The following RBFOX1 variants were observed in gnomAD, a reference collection of about 807,000 sequenced individuals.
The protein encoded by RBFOX1 is RNA binding protein fox-1 homolog 1.
A neutral mutation model predicts 57.7 loss-of-function variants in RBFOX1; 8 were observed. That is an observed-to-expected ratio of 0.14 (90% CI 0.08 to 0.25). RBFOX1 has a LOEUF of 0.25. Among genes scored for constraint, RBFOX1 ranks in the 10% least tolerant of loss-of-function variants. RBFOX1 has a pLI of 1.00. For synonymous variants in RBFOX1, 326 were observed against 222.4 expected, an observed-to-expected ratio of 1.47 and a Z score of -4.15; for missense variants, 611 against 548.5, an observed-to-expected ratio of 1.11 and a Z score of -1.14.
intron 14 of RBFOX1, among the ~76,000 whole-genome samples, chr16:7,694,331 A>C (rs758969554): frequency 2.0e-5 from 3 of 152,298 alleles, no homozygotes; most frequent in Non-Finnish European, 4.4e-5. Context: ...GCTGCAGTAA[A>C]AAAAGGCTTA....
intron 1 of RBFOX1, among the ~76,000 whole-genome samples, chr16:6,062,099 A>C (rs28542262): frequency 6.6e-6 from 1 of 152,190 alleles, no homozygotes; most frequent in African/African-American, 2.4e-5. Flanking sequence ...ATGAACAGCC[A>C]AACGAGATGC....
chr16:7,689,383 G>C (rs2076838634), intron 14 of RBFOX1, among the ~76,000 whole-genome samples: 1 of 152,244 alleles, frequency 6.6e-6, no homozygotes, highest in Non-Finnish European at 1.5e-5. Flanking sequence ...TTTTCAGCAA[G>C]GTTGCCCAAA....
chr16:6,270,786 A>G (rs576781131), intron 1 of RBFOX1, among the ~76,000 whole-genome samples: 135 of 152,342 alleles, frequency 8.9e-4, no homozygotes, highest in Non-Finnish European at 1.5e-3. Context: ...TTTCATGTCC[A>G]TGGGAGATAT....
intron 4 of RBFOX1, among the ~76,000 whole-genome samples, chr16:7,214,472 C>G (rs967070294): frequency 6.6e-6 from 1 of 152,000 alleles, no homozygotes; most frequent in Non-Finnish European, 1.5e-5. Flanking sequence ...CCTCTCCGAT[C>G]CATCCACTGC....
At chr16:5,667,204 T>G (rs1045492109) in intron 3 of RBFOX1, among the ~76,000 whole-genome samples, 2 of 152,226 alleles carry the variant, frequency 1.3e-5, no homozygotes, top group African/African-American at 4.8e-5. Flanking sequence ...TTTATTATGT[T>G]TTTGTATTTT....
chr16:5,999,272 T>A (rs987415477), intron 4 of RBFOX1, among the ~76,000 whole-genome samples: 2 of 152,204 alleles, frequency 1.3e-5, no homozygotes, highest in African/African-American at 4.8e-5. Context: ...CTTTTCTGAC[T>A]GCCTAGAATT....
At chr16:6,336,325 A>T (rs534690680) in intron 2 of RBFOX1, among the ~76,000 whole-genome samples, 18 of 148,252 alleles carry the variant, frequency 1.2e-4, no homozygotes, top group African/African-American at 3.7e-4. Context: ...CCTCCCGTGT[A>T]GCTGGGACTA....
chr16:6,120,490 T>C (rs2096540970), intron 1 of RBFOX1, among the ~76,000 whole-genome samples: 1 of 152,172 alleles, frequency 6.6e-6, no homozygotes, highest in South Asian at 2.1e-4. Context: ...TCCACCATCT[T>C]GCTTGTCATG....
At chr16:6,892,461 G>C (rs2065683272) in intron 3 of RBFOX1, among the ~76,000 whole-genome samples, 1 of 152,154 alleles carries the variant, frequency 6.6e-6, no homozygotes. Flanking sequence ...CTTGAGGTCA[G>C]ACGTTTGAGA....
intron 3 of RBFOX1, among the ~76,000 whole-genome samples, chr16:6,671,844 T>A (rs1337350302): frequency 6.6e-6 from 1 of 152,224 alleles, no homozygotes; most frequent in Non-Finnish European, 1.5e-5. Flanking sequence ...CGTATCCCAG[T>A]AATTATAAGA....
intron 3 of RBFOX1, among the ~76,000 whole-genome samples, chr16:6,855,712 A>G (rs993082243): frequency 1.3e-5 from 2 of 151,492 alleles, no homozygotes; most frequent in African/African-American, 4.9e-5. Flanking sequence ...CGAAACCTTG[A>G]TTGCACTTCC....
chr16:7,125,367 A>G (rs2068239383), intron 4 of RBFOX1, among the ~76,000 whole-genome samples: 1 of 152,206 alleles, frequency 6.6e-6, no homozygotes, highest in Non-Finnish European at 1.5e-5. Context: ...GCAGAGTGCC[A>G]GGCAAATCAA....
At chr16:7,443,913 G>C (rs767600260) in intron 4 of RBFOX1, among the ~76,000 whole-genome samples, 6 of 152,186 alleles carry the variant, frequency 3.9e-5, no homozygotes, top group Non-Finnish European at 7.3e-5. Context: ...TACTGATTCT[G>C]TATTCCTTTG....
chr16:6,256,202 T>TATATAC (rs1491343928), intron 1 of RBFOX1, among the ~76,000 whole-genome samples: 1 of 35,204 alleles, frequency 2.8e-5, no homozygotes, highest in South Asian at 9.5e-4. Context: ...TATATGTATA[T>TATATAC]GTATATGTGT....
At chr16:6,726,377 A>T (rs2154169238) in intron 3 of RBFOX1, among the ~76,000 whole-genome samples, 1 of 147,800 alleles carries the variant, frequency 6.8e-6, no homozygotes, top group South Asian at 2.3e-4. Flanking sequence ...ATAATAAATA[A>T]AAATAAAACG....
At chr16:6,667,690 A>G (rs6500808) in intron 3 of RBFOX1, among the ~76,000 whole-genome samples, 98,818 of 151,800 alleles carry the variant, frequency 0.65, 33,170 homozygotes, top group African/African-American at 0.81. Context: ...AGATGAGCCT[A>G]GGCAACATAT....
intron 1 of RBFOX1, among the ~76,000 whole-genome samples, chr16:5,441,413 A>G (rs577498832): frequency 4.2e-5 from 6 of 143,106 alleles, no homozygotes; most frequent in Non-Finnish European, 6.0e-5. Context: ...CACCTAGGCT[A>G]GAGTGCAGTG....
chr16:6,285,312 A>T (rs1002079718), intron 1 of RBFOX1, among the ~76,000 whole-genome samples: 6 of 152,154 alleles, frequency 3.9e-5, no homozygotes, highest in African/African-American at 1.4e-4. Context: ...AACCTCAGAA[A>T]GGAAAGTTTA....
chr16:5,378,427 G>A (rs568663603), intron 1 of RBFOX1, among the ~76,000 whole-genome samples: 1 of 151,444 alleles, frequency 6.6e-6, no homozygotes. Context: ...GCCTCCCTTC[G>A]AACACTCCAG....
Sources: gnomAD v4.1 joint callset for allele counts (sites outside exome capture counted in the v4.1 genomes callset) on GRCh38, gnomAD v4.1.1 for gene constraint, MANE v1.5 for transcripts, NCBI Gene and HGNC (gene_info 2026-07-23, HGNC 2026-07-21) for gene names.